KCND2: variants seen among roughly 807,000 people sequenced by gnomAD.
KCND2 encodes the protein A-type voltage-gated potassium channel KCND2.
Under a neutral mutation model 54.4 loss-of-function variants are expected in KCND2, and 16 were observed. That is an observed-to-expected ratio of 0.29 (90% CI 0.20 to 0.45). The LOEUF (loss-of-function observed/expected upper bound fraction) is 0.45. Ranked by LOEUF, KCND2 falls within the 20% of genes least tolerant of loss-of-function variation. The pLI, the probability that KCND2 is intolerant of heterozygous loss-of-function variation, is 1.00. For synonymous variants in KCND2, 317 were observed against 310.7 expected (o/e 1.02, Z -0.21); for missense variants, 486 against 824.2 (o/e 0.59, Z 5.02).
At chr7:120,676,078 T>A (rs547419012) in intron 1 of KCND2, among the ~76,000 whole-genome samples, 1 of 152,248 alleles carries the variant, frequency 6.6e-6, no homozygotes, top group Admixed American at 6.5e-5. Flanking sequence ...CCTCAAGTGA[T>A]CTGCCTGCCT....
chr7:120,577,415 A>T (rs1240364024), intron 1 of KCND2, among the ~76,000 whole-genome samples: 2 of 152,166 alleles, frequency 1.3e-5, no homozygotes, highest in Non-Finnish European at 2.9e-5. Context: ...TTCCTGGAAC[A>T]CACATCATTT....
intron 1 of KCND2, among the ~76,000 whole-genome samples, chr7:120,605,892 CT>C (rs1295935177): frequency 6.6e-6 from 1 of 152,166 alleles, no homozygotes; most frequent in African/African-American, 2.4e-5. Context: ...ACCCAAATCT[CT>C]TCTTTAATTG....
intron 1 of KCND2, among the ~76,000 whole-genome samples, chr7:120,677,425 C>CCATA (rs1215141599): frequency 6.6e-6 from 1 of 151,754 alleles, no homozygotes; most frequent in Non-Finnish European, 1.5e-5. Context: ...CCCAAAGGTT[C>CCATA]CATATCCAGC....
chr7:120,573,193 G>T (rs1792386917), intron 1 of KCND2, among the ~76,000 whole-genome samples: 1 of 152,140 alleles, frequency 6.6e-6, no homozygotes, highest in Non-Finnish European at 1.5e-5. Context: ...AGTTAAAGTT[G>T]CACATAGGAG....
intron 1 of KCND2, among the ~76,000 whole-genome samples, chr7:120,726,018 T>G (rs1792729562): frequency 6.6e-6 from 1 of 152,184 alleles, no homozygotes; most frequent in Non-Finnish European, 1.5e-5. Context: ...ATGCTGTGAA[T>G]AGTGGAAACA....
chr7:120,677,582 T>G (rs1792082943), intron 1 of KCND2, among the ~76,000 whole-genome samples: 1 of 148,730 alleles, frequency 6.7e-6, no homozygotes, highest in East Asian at 1.9e-4. Flanking sequence ...GATATATAGA[T>G]ATATAAAATA....
At position 120,657,985 on chromosome 7, in the gene KCND2, C is replaced by G. The variant is rs557823392; in HGVS notation, c.1116-74918C>G. 5.3e-5 allele frequency among the ~76,000 whole-genome samples: 8 copies of G among 152,280 alleles called. No individual in the cohort carries two copies. The South Asian group carries it at 1.7e-3, about 32-fold the overall frequency. ...AGATTTATTCTTGACCAATAAAACT[C>G]ATTCTAAAGGATTTTTCTAGCATAT... On this transcript the variant is annotated intron_variant, in intron 1 of 5. Transcript: ENST00000331113.
At chr7:120,523,744 GTGTA>G (rs1205305901) in intron 1 of KCND2, among the ~76,000 whole-genome samples, 3,027 of 138,766 alleles carry the variant, frequency 0.022, 99 homozygotes, top group African/African-American at 0.079. Context: ...GTGTGTGTGT[GTGTA>G]TGTCTTTGGC....
At chr7:120,673,114 T>C (rs191874351) in intron 1 of KCND2, 3 of 152,182 alleles carry the variant, frequency 2.0e-5, no homozygotes, top group Non-Finnish European at 4.4e-5. Flanking sequence ...AAGGCAGCCA[T>C]CTGCAAGCCA....
intron 1 of KCND2, among the ~76,000 whole-genome samples, chr7:120,643,612 C>T (rs1446820984): frequency 6.6e-6 from 1 of 151,780 alleles, no homozygotes; most frequent in Admixed American, 6.6e-5. Context: ...AGCCAAAGTC[C>T]TTTGAAAGAT....
At chr7:120,527,348 G>T (rs1791789247) in intron 1 of KCND2, among the ~76,000 whole-genome samples, 1 of 152,052 alleles carries the variant, frequency 6.6e-6, no homozygotes, top group African/African-American at 2.4e-5. Context: ...TTGCATGTTG[G>T]TTGGACTCAG....
At chr7:120,480,847 A>G (rs763130977) in intron 1 of KCND2, among the ~76,000 whole-genome samples, 2 of 152,198 alleles carry the variant, frequency 1.3e-5, no homozygotes, top group Non-Finnish European at 2.9e-5. Flanking sequence ...GGTACCAAGA[A>G]GTGGGGCTGT....
intron 1 of KCND2, among the ~76,000 whole-genome samples, chr7:120,398,882 G>A (rs1412433000): frequency 1.3e-5 from 2 of 152,024 alleles, no homozygotes; most frequent in East Asian, 1.9e-4. Context: ...GTTAGAGTAG[G>A]TCATAGGATA....
intron 1 of KCND2, among the ~76,000 whole-genome samples, chr7:120,641,411 G>A (rs558253901): frequency 2.0e-4 from 30 of 152,138 alleles, no homozygotes; most frequent in Non-Finnish European, 4.1e-4. Context: ...TCCCCTCCCC[G>A]GTATGATTTT....
intron 1 of KCND2, among the ~76,000 whole-genome samples, chr7:120,285,484 A>G (rs1472081720): frequency 6.6e-6 from 1 of 151,972 alleles, no homozygotes; most frequent in African/African-American, 2.4e-5. Context: ...CACTAATTTC[A>G]AAACATCTCA....
chr7:120,346,192 G>T (rs2116374510), intron 1 of KCND2, among the ~76,000 whole-genome samples: 1 of 152,112 alleles, frequency 6.6e-6, no homozygotes, highest in Middle Eastern at 3.4e-3. Flanking sequence ...GTGTTATTTT[G>T]TTGTTGAGCT....
chr7:120,629,450 C>G lies in KCND2; in HGVS notation c.1116-103453C>G, dbSNP rs191300310. ...GCAGTGAGCCGAGATGGTGCCACTG[C>G]ACTCCATCCTGGGCGACAGAGCGAG... On this transcript the variant is annotated intron_variant, in intron 1 of 5. Transcript: ENST00000331113. Among the ~76,000 whole-genome samples, 67 of 151,754 alleles carry G rather than the reference C, an allele frequency of 4.4e-4. 1 individual carries two copies. Among genetic ancestry groups the G allele is most frequent in the Middle Eastern group, 3.4e-3 (1 of 294 alleles).
chr7:120,470,625 T>C (rs534014048), intron 1 of KCND2, among the ~76,000 whole-genome samples: 1 of 152,130 alleles, frequency 6.6e-6, no homozygotes, highest in Non-Finnish European at 1.5e-5. Flanking sequence ...AAATAGTAAA[T>C]TGAAATGAGG....
At chr7:120,340,469 G>A (rs948712542) in intron 1 of KCND2, among the ~76,000 whole-genome samples, 4 of 152,190 alleles carry the variant, frequency 2.6e-5, no homozygotes, top group Non-Finnish European at 2.9e-5. Flanking sequence ...CAAAGGAAAC[G>A]AAAACTTCAG....
Sources: gnomAD v4.1 joint callset for allele counts (sites outside exome capture counted in the v4.1 genomes callset) on GRCh38, gnomAD v4.1.1 for gene constraint, MANE v1.5 for transcripts, NCBI Gene and HGNC (gene_info 2026-07-23, HGNC 2026-07-21) for gene names.